The following ADAMTS16 variants were observed in gnomAD, a reference collection of about 807,000 sequenced individuals.
ADAMTS16 encodes the protein ADAM metallopeptidase with thrombospondin type 1 motif 16, also known as A disintegrin and metalloproteinase with thrombospondin motifs 16.
A neutral mutation model predicts 145.8 loss-of-function variants in ADAMTS16; 94 were observed. The ratio of observed to expected loss-of-function variants is 0.64; its 90% confidence interval spans 0.55 to 0.77. The LOEUF (loss-of-function observed/expected upper bound fraction) is 0.77, where lower values mean the gene tolerates loss of function less well. ADAMTS16 is among the 30% of genes least tolerant of loss of function. The probability of loss-of-function intolerance (pLI) is 0.00; values close to 1 mark genes in which losing one functional copy is unlikely to be tolerated. For synonymous variants in ADAMTS16, 659 were observed against 604.3 expected, an observed-to-expected ratio of 1.09 and a Z score of -1.33; for missense variants, 1,585 against 1,591.5, an observed-to-expected ratio of 1.00 and a Z score of 0.07.
intron 2 of ADAMTS16, among the ~76,000 whole-genome samples, chr5:5,145,019 G>C (rs1428017): frequency 0.74 from 112,121 of 152,008 alleles, 41,864 homozygotes; most frequent in Middle Eastern, 0.87. Flanking sequence ...TGAGCTCTCC[G>C]AAAACAACTG....
At chr5:5,286,771 T>C (rs1340290058) in intron 18 of ADAMTS16, among the ~76,000 whole-genome samples, 1 of 139,380 alleles carries the variant, frequency 7.2e-6, no homozygotes, top group Non-Finnish European at 1.5e-5. Context: ...GGCAGGAGAA[T>C]GATGCAAACC....
intron 4 of ADAMTS16, among the ~76,000 whole-genome samples, chr5:5,185,130 A>G (rs1560938933): frequency 2.0e-5 from 3 of 152,182 alleles, no homozygotes; most frequent in Admixed American, 6.5e-5. Context: ...TGAGTGCTCA[A>G]TAAACATTAG....
intron 10 of ADAMTS16, among the ~76,000 whole-genome samples, chr5:5,212,203 T>C (rs1336119341): frequency 2.2e-5 from 3 of 138,104 alleles, no homozygotes; most frequent in Non-Finnish European, 3.1e-5. Flanking sequence ...TTTTTTGTTT[T>C]GTTTTGTTTT....
chr5:5,291,537 C>A (rs1360004609), intron 18 of ADAMTS16, among the ~76,000 whole-genome samples: 1 of 152,164 alleles, frequency 6.6e-6, no homozygotes, highest in Non-Finnish European at 1.5e-5. Flanking sequence ...CTCCCCTTTG[C>A]GGAGGAGAGA....
intron 3 of ADAMTS16, among the ~76,000 whole-genome samples, chr5:5,178,329 G>A (rs1735251145): frequency 6.6e-6 from 1 of 152,212 alleles, no homozygotes; most frequent in South Asian, 2.1e-4. Flanking sequence ...TCTGAGGCCT[G>A]GTTAATAATC....
chr5:5,316,422 G>A (rs533036380), intron 21 of ADAMTS16, among the ~76,000 whole-genome samples: 21 of 152,186 alleles, frequency 1.4e-4, no homozygotes, highest in Admixed American at 1.3e-4. Context: ...CCCTAGCCTC[G>A]TTTGAGCACA....
At chr5:5,176,581 G>A (rs144116312) in intron 3 of ADAMTS16, among the ~76,000 whole-genome samples, 23 of 152,180 alleles carry the variant, frequency 1.5e-4, no homozygotes, top group Non-Finnish European at 2.9e-4. Context: ...GTACCCTTGA[G>A]GCTTCAGTGA....
At chr5:5,211,801 C>G (rs1046291340) in intron 10 of ADAMTS16, among the ~76,000 whole-genome samples, 1 of 152,026 alleles carries the variant, frequency 6.6e-6, no homozygotes, top group Non-Finnish European at 1.5e-5. Context: ...ATTTCATTAA[C>G]CAACATATTA....
At chr5:5,312,992 T>C (rs764193371) in intron 21 of ADAMTS16, among the ~76,000 whole-genome samples, 37 of 152,326 alleles carry the variant, frequency 2.4e-4, no homozygotes, top group Non-Finnish European at 4.3e-4. Flanking sequence ...CAGGCAAATT[T>C]AGAAAGTGGA....
chr5:5,158,523 C>T (rs761888346), intron 3 of ADAMTS16, among the ~76,000 whole-genome samples: 3 of 152,104 alleles, frequency 2.0e-5, no homozygotes, highest in Non-Finnish European at 4.4e-5. Context: ...CATGCAGGTC[C>T]AAGGAGTGTC....
chr5:5,307,542 G>A (rs1197376120), intron 21 of ADAMTS16, among the ~76,000 whole-genome samples: 1 of 152,156 alleles, frequency 6.6e-6, no homozygotes, highest in Non-Finnish European at 1.5e-5. Flanking sequence ...CCCTACATGT[G>A]CTCTCTCACT....
intron 11 of ADAMTS16, among the ~76,000 whole-genome samples, chr5:5,224,057 G>A (rs1720726032): frequency 6.6e-6 from 1 of 151,960 alleles, no homozygotes; most frequent in African/African-American, 2.4e-5. Flanking sequence ...CACGTTTTCA[G>A]GTTAAATTAT....
intron 11 of ADAMTS16, among the ~76,000 whole-genome samples, chr5:5,225,444 G>T (rs1736732253): frequency 6.6e-6 from 1 of 152,044 alleles, no homozygotes; most frequent in South Asian, 2.1e-4. Context: ...CTCTACTAAA[G>T]ATACAAAACT....
intron 9 of ADAMTS16, among the ~76,000 whole-genome samples, chr5:5,206,750 G>A (rs1736136335): frequency 6.6e-6 from 1 of 152,054 alleles, no homozygotes; most frequent in African/African-American, 2.4e-5. Context: ...CCTAAGTGCT[G>A]GGATTACAGG....
rs574985055 is a variant in ADAMTS16, at chr5:5,209,277, A to G, written c.1605+31A>G. On this transcript the variant is annotated intron_variant, in intron 10 of 22. Coordinates refer to ENST00000274181, the MANE Select transcript of ADAMTS16 (RefSeq NM_139056.4). ...TGATTATTGGCACATGCTCAATGCA[A>G]CATGATTCATAAGACTGTTTTATTT... 6.8e-6 allele frequency: 11 copies of G among 1,610,026 alleles called. No individual in the cohort carries two copies. In the East Asian group the frequency reaches 1.8e-4, roughly 26 times the overall value.
chr5:5,189,255 G>T (rs1316115759), intron 6 of ADAMTS16, among the ~76,000 whole-genome samples: 1 of 152,096 alleles, frequency 6.6e-6, no homozygotes, highest in African/African-American at 2.4e-5. Flanking sequence ...CAAATAACTT[G>T]GTGCAGGCTG....
Position 5,306,614 on chromosome 5 carries a change from G to A in ADAMTS16, c.3297G>A (p.Pro1099=), listed in dbSNP as rs769715009. The change falls in exon 21 of 23, where the codon CCG becomes CCA. Residue 1099 remains proline, a synonymous_variant. Coordinates refer to ENST00000274181, the MANE Select transcript of ADAMTS16 (RefSeq NM_139056.4). ...CCTCAAAGAAGTGCTCACATTTGCCGAAGCCCAGCCTGGAGCTGGAACGTG... is the reference window on the plus strand; with the variant it reads ...CCTCAAAGAAGTGCTCACATTTGCCAAAGCCCAGCCTGGAGCTGGAACGTG... ...ELASKKCSHL[P]KPSLELERAC... 1.9e-5 allele frequency: 30 copies of A among 1,614,038 alleles called. No homozygotes were observed. Among genetic ancestry groups the A allele is most frequent in the Admixed American group, 3.3e-5 (2 of 59,998 alleles).
intron 3 of ADAMTS16, among the ~76,000 whole-genome samples, chr5:5,162,879 T>A (rs1178232654): frequency 6.6e-6 from 1 of 152,168 alleles, no homozygotes; most frequent in Non-Finnish European, 1.5e-5. Context: ...TACAGAGATT[T>A]CCAGTCCTAG....
intron 18 of ADAMTS16, among the ~76,000 whole-genome samples, chr5:5,288,961 C>G (rs1739201415): frequency 6.6e-6 from 1 of 152,170 alleles, no homozygotes; most frequent in Admixed American, 6.5e-5. Context: ...GAAATTCTAA[C>G]AGCAGTGCCC....
Sources: gnomAD v4.1 joint callset for allele counts (sites outside exome capture counted in the v4.1 genomes callset) on GRCh38, gnomAD v4.1.1 for gene constraint, MANE v1.5 for transcripts, NCBI Gene and HGNC (gene_info 2026-07-23, HGNC 2026-07-21) for gene names.